The following TRIM43B variants were observed in gnomAD, a reference collection of about 807,000 sequenced individuals.
TRIM43B encodes tripartite motif containing 43B.
A neutral mutation model predicts 27.0 loss-of-function variants in TRIM43B; 15 were observed. The ratio of observed to expected loss-of-function variants is 0.55; its 90% CI spans 0.37 to 0.85. The LOEUF is 0.85. TRIM43B is among the 40% of genes least tolerant of loss of function. The probability of loss-of-function intolerance (pLI) is 0.00; values close to 1 mark genes in which losing one functional copy is unlikely to be tolerated. For synonymous variants in TRIM43B, 69 were observed against 97.8 expected (o/e 0.71, Z 1.74); for missense variants, 172 against 289.8 (o/e 0.59, Z 2.95).
chr2:95,482,435 C>A (rs200840140), exon 2 of TRIM43B: 16 of 1,604,274 alleles, frequency 1.0e-5, no homozygotes, highest in Non-Finnish European at 1.4e-5. Flanking sequence ...CTATGGGTCC[C>A]ACATATTTGT....
At chr2:95,482,404 C>T in exon 2 of TRIM43B, 4 of 1,602,854 alleles carry the variant, frequency 2.5e-6, no homozygotes, top group Non-Finnish European at 3.4e-6. Flanking sequence ...GTCCATGTCA[C>T]AGAACATCTT....
At chr2:95,482,583 C>T (rs1392251057) in exon 2 of TRIM43B, 1 of 1,613,212 alleles carries the variant, frequency 6.2e-7, no homozygotes, top group South Asian at 1.1e-5. Flanking sequence ...TTTGGGCTTC[C>T]TCCCACGAAA....
At chr2:95,483,176 C>T (rs913246227) in intron 1 of TRIM43B, among the ~76,000 whole-genome samples, 14 of 152,036 alleles carry the variant, frequency 9.2e-5, no homozygotes, top group African/African-American at 3.1e-4. Flanking sequence ...AATGACTTTT[C>T]CAGAAGGACA....
At chr2:95,484,498 A>T (rs1158448560) in intron 1 of TRIM43B, 108 bp downstream of exon 1, 1 of 152,096 alleles carries the variant, frequency 6.6e-6, no homozygotes, top group African/African-American at 2.4e-5. Flanking sequence ...GGAAAATGAG[A>T]TCATTCCATC....
chr2:95,482,549 T>G, exon 2 of TRIM43B: 1 of 1,612,270 alleles, frequency 6.2e-7, no homozygotes, highest in Non-Finnish European at 8.5e-7. Context: ...GATGGTTCCC[T>G]GCATGCAGGG....
intron 1 of TRIM43B, among the ~76,000 whole-genome samples, chr2:95,484,170 A>G (rs1343417141): frequency 6.6e-6 from 1 of 151,636 alleles, no homozygotes; most frequent in Non-Finnish European, 1.5e-5. Flanking sequence ...AGAGATGGAG[A>G]CCATCCTGGC....
chr2:95,484,347 C>T (rs1394664455), intron 1 of TRIM43B, among the ~76,000 whole-genome samples: 1 of 151,900 alleles, frequency 6.6e-6, no homozygotes, highest in Non-Finnish European at 1.5e-5. Flanking sequence ...TCCAGCCTGG[C>T]AATAGAGCGT....
In TRIM43B at chr2:95,481,586, C is replaced by T. The variant is rs1313927590; in HGVS notation, c.507+9G>A. The T allele has an allele frequency of 1.9e-6, 3 of 1,608,750 alleles. No homozygotes were observed. Among genetic ancestry groups the T allele is most frequent in the Admixed American group, 1.7e-5 (1 of 59,376 alleles). On this transcript the variant is annotated intron_variant, in intron 3 of 6. Transcript: ENST00000639673. ...AGCTGGTCAGGAGGACTCACGGTCT[C>T]ATACTTACCCTCAAGAGGAAGGCTG...
At chr2:95,482,024 C>G (rs1456307869) in intron 2 of TRIM43B, among the ~76,000 whole-genome samples, 6 of 151,332 alleles carry the variant, frequency 4.0e-5, no homozygotes, top group Non-Finnish European at 5.9e-5. Context: ...TTCCAAAATA[C>G]CTTTCTTTGC....
At chr2:95,484,185 A>G (rs1683597915) in intron 1 of TRIM43B, among the ~76,000 whole-genome samples, 1 of 151,902 alleles carries the variant, frequency 6.6e-6, no homozygotes, top group African/African-American at 2.4e-5. Flanking sequence ...CCTGGCCAAC[A>G]TAATGAAACC....
chr2:95,483,079 C>A (rs1683565123), intron 1 of TRIM43B, among the ~76,000 whole-genome samples: 1 of 152,112 alleles, frequency 6.6e-6, no homozygotes, highest in South Asian at 2.1e-4. Context: ...CAGTAACAGT[C>A]TTCATTGCCA....
chr2:95,481,832 T>C (rs1385228287), intron 2 of TRIM43B, 142 bp from the exon 3 acceptor site: 8 of 726,184 alleles, frequency 1.1e-5, no homozygotes. Flanking sequence ...TCATCCTTAA[T>C]TGATATTTTT....
intron 1 of TRIM43B, among the ~76,000 whole-genome samples, chr2:95,484,240 C>T (rs1428623610): frequency 1.1e-4 from 17 of 151,686 alleles, no homozygotes; most frequent in South Asian, 6.3e-4. Context: ...GGCGTGGTGG[C>T]AGGCGGCTAT....
intron 2 of TRIM43B, 28 bp from the exon 3 acceptor site, chr2:95,481,718 A>G (rs779715381): frequency 6.2e-7 from 1 of 1,604,058 alleles, no homozygotes; most frequent in East Asian, 2.2e-5. Context: ...GTTGAACAGA[A>G]AGTCAAATAC....
chr2:95,481,657 T>C, exon 3 of TRIM43B: 1 of 1,612,444 alleles, frequency 6.2e-7, no homozygotes, highest in South Asian at 1.1e-5. Flanking sequence ...TGAATCTTTT[T>C]CCATAAAATC....
At chr2:95,481,825 T>C in intron 2 of TRIM43B, 135 bp from the exon 3 acceptor site, 1 of 740,394 alleles carries the variant, frequency 1.4e-6, no homozygotes, top group South Asian at 2.1e-5. Context: ...TCATTGCTCA[T>C]CCTTAATTGA....
chr2:95,482,360 G>A lies in TRIM43B; in HGVS notation c.355C>T (p.Gln119Ter). 4 of 1,610,630 alleles carry A rather than the reference G, an allele frequency of 2.5e-6. No homozygotes were observed. Among genetic ancestry groups the A allele is most frequent in the Non-Finnish European group, 3.4e-6 (4 of 1,179,444 alleles). Residue 119 changes from glutamine (Q) to a stop codon, truncating the protein, a stop_gained, in exon 2 of 7, where the codon CAG (glutamine) becomes TAG (stop). Coordinates refer to ENST00000639673, the Ensembl canonical transcript of TRIM43B. LOFTEE classifies it high-confidence loss of function. ...TAGTGTTTGTGAGCCCCGTGCTCCT[G>A]AGAGTTGGAGCACAGCAAGCAGAGG...
In TRIM43B at chr2:95,484,599, T is replaced by C. The variant is rs1683607818; in HGVS notation, c.-5+7A>G. ...AGTAGATCCTTCTCTGGAAATTGTG[T>C]ACTTACCTCAGAAATATATCTATGT... On this transcript the variant is annotated splice_region_variant and intron_variant, in intron 1 of 6. Coordinates refer to ENST00000639673, the Ensembl canonical transcript of TRIM43B. 1 of 152,164 alleles carries C rather than the reference T, an allele frequency of 6.6e-6. No individual in the cohort carries two copies. The highest frequency in any genetic ancestry group is 1.9e-4 in the East Asian group (1 of 5,200). The allele number at this position is 152,164 out of a possible 1,614,324, so 9.4% of individuals were successfully genotyped here.
chr2:95,480,402 C>T, exon 4 of TRIM43B: 4 of 1,609,384 alleles, frequency 2.5e-6, no homozygotes. Context: ...GACCCAACTT[C>T]TCTGGAGTTG....
Sources: allele counts gnomAD v4.1 joint callset (sites outside exome capture counted in the v4.1 genomes callset), GRCh38; gene constraint gnomAD v4.1.1; transcripts MANE v1.5; gene names NCBI Gene and HGNC (gene_info 2026-07-23, HGNC 2026-07-21).